The following MGST1 variants were observed in gnomAD, a reference collection of about 807,000 sequenced individuals.
MGST1 encodes the protein glutathione S-transferase 12.
MGST1 carries 5 observed loss-of-function variants against 8.9 expected under a neutral mutation model. The observed-to-expected ratio is 0.56, with a 90% confidence interval of 0.29 to 1.19. The LOEUF (loss-of-function observed/expected upper bound fraction) is 1.19, where lower values mean the gene tolerates loss of function less well. Among genes scored for constraint, MGST1 ranks in the 50% most tolerant of loss-of-function variants. The pLI, the probability that MGST1 is intolerant of heterozygous loss-of-function variation, is 0.08. For missense variants in MGST1, 182 were observed against 187.4 expected (o/e 0.97, Z 0.17); for synonymous variants, 54 against 67.8 (o/e 0.80, Z 1.00).
intron 2 of MGST1, among the ~76,000 whole-genome samples, chr12:16,356,142 T>A (rs751572728): frequency 2.6e-5 from 4 of 152,172 alleles, no homozygotes; most frequent in Non-Finnish European, 5.9e-5. Flanking sequence ...ATATCCCAGA[T>A]ACTATCACAT....
intron 4 of MGST1, among the ~76,000 whole-genome samples, chr12:16,588,305 A>T (rs1943384763): frequency 6.6e-6 from 1 of 152,088 alleles, no homozygotes; most frequent in Non-Finnish European, 1.5e-5. Flanking sequence ...AAAGATATAT[A>T]ATCAAATTGT....
chr12:16,440,297 G>T (rs1233866764), downstream of MGST1, among the ~76,000 whole-genome samples: 2 of 151,384 alleles, frequency 1.3e-5, no homozygotes, highest in East Asian at 3.9e-4. Context: ...ATAAACCTTG[G>T]GTATAGAGTT....
At chr12:16,390,248 T>A (rs576949937) in intron 1 of MGST1, among the ~76,000 whole-genome samples, 26 of 152,284 alleles carry the variant, frequency 1.7e-4, no homozygotes, top group African/African-American at 5.1e-4. Context: ...GAGAATTTTT[T>A]AAAAAAATTG....
chr12:16,384,248 A>T, intron 1 of MGST1, among the ~76,000 whole-genome samples: 1 of 152,166 alleles, frequency 6.6e-6, no homozygotes, highest in East Asian at 1.9e-4. Flanking sequence ...CCCAAAATGT[A>T]TCCAACTTCT....
rs1448933190 is a variant in MGST1, at chr12:16,576,022, T to C, written n.483-13506T>C. Among the ~76,000 whole-genome samples, 1 of 152,162 alleles carries C rather than the reference T, an allele frequency of 6.6e-6. No homozygotes were observed. Among genetic ancestry groups the C allele is most frequent in the Non-Finnish European group, 1.5e-5 (1 of 68,030 alleles). ...CTTCTCAGACCCCCAAATCTAGCCC[T>C]GCCGCTGTGTTAAAAGGGGATCTGT... On this transcript the variant is annotated intron_variant and non_coding_transcript_variant, in intron 4 of 4. Coordinates refer to the MGST1 transcript ENST00000538857. This position sits in a 1 kb window ranked among gnomAD's most constrained non-coding sequence, Gnocchi z 4.1.
At chr12:16,570,971 C>T (rs1488108239) in intron 4 of MGST1, among the ~76,000 whole-genome samples, 2 of 152,106 alleles carry the variant, frequency 1.3e-5, no homozygotes, top group African/African-American at 4.8e-5. Flanking sequence ...CAGCATGGCA[C>T]ATGTATACAT....
chr12:16,502,088 A>G (rs561275948), intron 4 of MGST1, among the ~76,000 whole-genome samples: 1 of 152,328 alleles, frequency 6.6e-6, no homozygotes, highest in East Asian at 1.9e-4. Context: ...TTTATTTTAT[A>G]TGATTGTCGA....
In MGST1 at chr12:16,587,758, G is replaced by C. The variant is rs996192362; in HGVS notation, n.483-1770G>C. Among the ~76,000 whole-genome samples the C allele has an allele frequency of 6.6e-6, 1 of 151,468 alleles. No individual in the cohort carries two copies. Among genetic ancestry groups the C allele is most frequent in the African/African-American group, 2.4e-5 (1 of 41,294 alleles). ...AGTAAACACTGCCTTTGGTACACAG[G>C]GTTCTCTTAGCATTTATCTGTCTAA... On this transcript the variant is annotated intron_variant and non_coding_transcript_variant, in intron 4 of 4. Coordinates refer to the MGST1 transcript ENST00000538857. This position sits in a 1 kb window ranked among gnomAD's most constrained non-coding sequence, Gnocchi z 4.3.
chr12:16,535,298 C>T (rs972045379), intron 4 of MGST1, among the ~76,000 whole-genome samples: 5 of 152,124 alleles, frequency 3.3e-5, no homozygotes, highest in East Asian at 3.9e-4. Context: ...GTGGCCTCCG[C>T]GAGAGTTAGC....
intron 4 of MGST1, among the ~76,000 whole-genome samples, chr12:16,448,847 C>A (rs904571917): frequency 1.3e-5 from 2 of 151,826 alleles, no homozygotes; most frequent in Non-Finnish European, 2.9e-5. Flanking sequence ...CTGGGAGATT[C>A]CACATGAAAG....
rs544232814 is a variant in MGST1, at chr12:16,401,905, C to T, written n.778+18301C>T. The T allele has an allele frequency of 3.6e-5, 58 of 1,605,384 alleles. No individual in the cohort carries two copies. The highest frequency in any genetic ancestry group is 6.6e-5 in the South Asian group (6 of 90,920). ...TTGAGCTCCCCATCCTCCCTTACAGCGACTGTATATGCCACAACTGCACTG... is the reference window on the plus strand; with the variant it reads ...TTGAGCTCCCCATCCTCCCTTACAGTGACTGTATATGCCACAACTGCACTG... On this transcript the variant is annotated intron_variant and non_coding_transcript_variant, in intron 1 of 1. Coordinates refer to the MGST1 transcript ENST00000359720. The surrounding 1 kb of genome is among the most constrained non-coding windows in gnomAD (Gnocchi z 4.3).
intron 4 of MGST1, among the ~76,000 whole-genome samples, chr12:16,453,452 TTATA>T (rs1300083268): frequency 1.3e-5 from 2 of 152,110 alleles, no homozygotes; most frequent in African/African-American, 4.8e-5. Flanking sequence ...TTTACATTAT[TTATA>T]TATACATACA....
In MGST1 at chr12:16,413,495, A is replaced by T. The variant is rs7956615; in HGVS notation, n.779-23893A>T. ...GAACAGCAGGTAAGTGGTGGTATGG[A>T]GTTGAAAGAGAATTCTCCCAGCATC... is the stretch of plus-strand genomic sequence containing the variant. On this transcript the variant is annotated intron_variant and non_coding_transcript_variant, in intron 1 of 1. Transcript: ENST00000359720. The surrounding 1 kb of genome is among the most constrained non-coding windows in gnomAD (Gnocchi z 4.0). Among the ~76,000 whole-genome samples, 4,598 of 152,036 alleles carry T rather than the reference A, an allele frequency of 0.03. 228 individuals carry two copies. The highest frequency in any genetic ancestry group is 0.11 in the African/African-American group (4,362 of 41,436).
chr12:16,387,561 C>T (rs1411842450), intron 1 of MGST1, among the ~76,000 whole-genome samples: 1 of 149,400 alleles, frequency 6.7e-6, no homozygotes, highest in East Asian at 2.0e-4. Flanking sequence ...GAGTCTCGCT[C>T]TGTTGCCCAG....
chr12:16,363,876 T>C lies in MGST1; in HGVS notation c.303T>C (p.Ser101=), dbSNP rs540141933. ...ATTCCTTGAGTGGTCCCGACCCCTCTACAGCCATCCTGCACTTCAGACTAT... is the reference window on the plus strand; with the variant it reads ...ATTCCTTGAGTGGTCCCGACCCCTCCACAGCCATCCTGCACTTCAGACTAT... ...LLYSLSGPDP[S]TAILHFRLFV... is the part of the protein sequence containing the mutation. Residue 101 remains serine (S), a synonymous_variant, in exon 4 of 4, where the codon TCT becomes TCC. Coordinates refer to ENST00000396210, the MANE Select transcript of MGST1 (RefSeq NM_020300.5). The surrounding 1 kb of genome is among the most constrained non-coding windows in gnomAD (Gnocchi z 4.6). 1.2e-6 allele frequency: 2 copies of C among 1,613,992 alleles called. No homozygotes were observed. The highest frequency in any genetic ancestry group is 2.2e-5 in the East Asian group (1 of 44,878).
rs1941763607 is a variant in MGST1, at chr12:16,537,592, C to A, written n.483-51936C>A. On this transcript the variant is annotated intron_variant and non_coding_transcript_variant, in intron 4 of 4. Transcript: ENST00000538857. The surrounding 1 kb of genome is among the most constrained non-coding windows in gnomAD (Gnocchi z 4.6). The stretch of plus-strand genomic sequence containing the variant: ...CTTTTGCCTGGACATTCAGGCATTT[C>A]CATACATACATTGAAATCTAGGTGG... Among the ~76,000 whole-genome samples the A allele has an allele frequency of 6.6e-6, 1 of 152,238 alleles. No individual in the cohort carries two copies. The highest frequency in any genetic ancestry group is 6.5e-5 in the Admixed American group (1 of 15,292).
downstream of MGST1, among the ~76,000 whole-genome samples, chr12:16,378,847 T>C (rs533799892): frequency 1.2e-3 from 186 of 152,174 alleles, 2 homozygotes; most frequent in East Asian, 0.031. Context: ...TAGTTCTCCT[T>C]GAAGAGGTCC....
intron 4 of MGST1, among the ~76,000 whole-genome samples, chr12:16,479,717 T>C (rs1196832954): frequency 6.6e-6 from 1 of 151,872 alleles, no homozygotes; most frequent in Non-Finnish European, 1.5e-5. Flanking sequence ...AAATTTTTTG[T>C]AGAGATGAAG....
At chr12:16,391,023 T>C (rs1179624438) in intron 1 of MGST1, among the ~76,000 whole-genome samples, 1 of 152,196 alleles carries the variant, frequency 6.6e-6, no homozygotes, top group Non-Finnish European at 1.5e-5. Context: ...AGGTGAAATC[T>C]CATTGTGGTT....
Sources: allele counts gnomAD v4.1 joint callset (sites outside exome capture counted in the v4.1 genomes callset), GRCh38; gene constraint gnomAD v4.1.1; non-coding constraint Gnocchi (gnomAD v3.1); transcripts MANE v1.5; gene names NCBI Gene and HGNC (gene_info 2026-07-23, HGNC 2026-07-21).